Variants in CNTN4 observed in about 807,000 individuals in gnomAD.
CNTN4 encodes the protein contactin 4.
In CNTN4, 77 loss-of-function variants were observed where a neutral mutation model predicts 122.5. That is an observed-to-expected ratio of 0.63 (90% CI 0.52 to 0.76). The LOEUF is 0.76. CNTN4 is among the 30% of genes least tolerant of loss of function. CNTN4 has a pLI of 0.00. For missense variants in CNTN4, 1,256 were observed against 1,259.1 expected, an observed-to-expected ratio of 1.00 and a Z score of 0.04; for synonymous variants, 512 against 447.0, an observed-to-expected ratio of 1.15 and a Z score of -1.83.
At chr3:2,168,364 G>C (rs1347642667) in intron 2 of CNTN4, among the ~76,000 whole-genome samples, 1 of 152,002 alleles carries the variant, frequency 6.6e-6, no homozygotes, top group Non-Finnish European at 1.5e-5. Flanking sequence ...AATGGCTTTT[G>C]GGTTTAAGTG....
intron 3 of CNTN4, among the ~76,000 whole-genome samples, chr3:2,388,117 T>G (rs1380088216): frequency 2.0e-5 from 3 of 152,192 alleles, no homozygotes; most frequent in African/African-American, 4.8e-5. Flanking sequence ...TGGCAGCAAT[T>G]TTTGTGTTTT....
chr3:3,001,956 A>C (rs1696089283), intron 14 of CNTN4, among the ~76,000 whole-genome samples: 1 of 152,238 alleles, frequency 6.6e-6, no homozygotes, highest in African/African-American at 2.4e-5. Flanking sequence ...TCAGTGGTTA[A>C]TTGGGACAAG....
chr3:2,423,833 C>T (rs565088817), intron 3 of CNTN4, among the ~76,000 whole-genome samples: 12 of 151,090 alleles, frequency 7.9e-5, no homozygotes, highest in African/African-American at 2.9e-4. Flanking sequence ...TAATTGGTGC[C>T]GAACATCGTT....
At chr3:2,973,967 C>T (rs1293825792) in intron 13 of CNTN4, among the ~76,000 whole-genome samples, 2 of 152,170 alleles carry the variant, frequency 1.3e-5, no homozygotes, top group African/African-American at 4.8e-5. Flanking sequence ...TCCAAGTACT[C>T]AGATCATCTT....
chr3:2,838,550 C>G (rs1015455146), intron 7 of CNTN4, among the ~76,000 whole-genome samples: 1 of 145,148 alleles, frequency 6.9e-6, no homozygotes, highest in Non-Finnish European at 1.5e-5. Flanking sequence ...CATTCAGACC[C>G]TATGGTTTGT....
intron 13 of CNTN4, among the ~76,000 whole-genome samples, chr3:2,930,144 TTC>T (rs2094507062): frequency 6.6e-6 from 1 of 152,354 alleles, no homozygotes; most frequent in African/African-American, 2.4e-5. Flanking sequence ...CTACCCTATG[TTC>T]TCTTTCAATT....
intron 6 of CNTN4, among the ~76,000 whole-genome samples, chr3:2,777,309 C>G (rs2091361582): frequency 6.6e-6 from 1 of 152,118 alleles, no homozygotes. Flanking sequence ...ATTATGCTTC[C>G]CCCACTAAAT....
intron 7 of CNTN4, among the ~76,000 whole-genome samples, chr3:2,865,348 G>A (rs2093712907): frequency 6.6e-6 from 1 of 152,120 alleles, no homozygotes; most frequent in East Asian, 1.9e-4. Context: ...CAGTTGTTAA[G>A]GTCAAGTACA....
intron 4 of CNTN4, among the ~76,000 whole-genome samples, chr3:2,667,949 A>T (rs911221884): frequency 1.3e-4 from 20 of 152,114 alleles, no homozygotes; most frequent in Admixed American, 3.3e-4. Context: ...CCATTGGTCT[A>T]TATGTCTGTT....
At chr3:2,517,339 C>T (rs1401965350) in intron 3 of CNTN4, among the ~76,000 whole-genome samples, 1 of 152,032 alleles carries the variant, frequency 6.6e-6, no homozygotes, top group Admixed American at 6.6e-5. Context: ...AACTATATAG[C>T]AGTTTTTACA....
intron 3 of CNTN4, among the ~76,000 whole-genome samples, chr3:2,502,624 T>A (rs1271995507): frequency 1.3e-5 from 2 of 152,138 alleles, no homozygotes; most frequent in Admixed American, 6.5e-5. Context: ...TCACACATAA[T>A]TTTGTTATTT....
At position 2,883,054 on chromosome 3, in the gene CNTN4, T is replaced by C. The variant is rs981045898; in HGVS notation, c.653-91T>C. On this transcript the variant is annotated intron_variant, in intron 8 of 24. Coordinates refer to ENST00000418658, the MANE Select transcript of CNTN4 (RefSeq NM_175607.3). The stretch of plus-strand genomic sequence containing the variant: ...AATTAATTGTGCACATAATGATGTG[T>C]ATAAGCATTCTGCATTAACAGAAAA... The C allele has an allele frequency of 8.3e-6, 7 of 840,718 alleles. No individual in the cohort carries two copies. The African/African-American group carries it at 1.0e-4, about 12-fold the overall frequency. 52.1% of individuals were successfully genotyped at this position (840,718 alleles called of 1,614,324 possible).
intron 2 of CNTN4, among the ~76,000 whole-genome samples, chr3:2,186,970 CT>C (rs1478677562): frequency 1.3e-5 from 2 of 152,112 alleles, no homozygotes; most frequent in Non-Finnish European, 2.9e-5. Context: ...GTTGCAATTG[CT>C]TTTGGTGTTT....
At chr3:2,236,764 C>T (rs2039696209) in intron 2 of CNTN4, among the ~76,000 whole-genome samples, 1 of 152,182 alleles carries the variant, frequency 6.6e-6, no homozygotes, top group African/African-American at 2.4e-5. Flanking sequence ...CTGCACTAGA[C>T]ATCAGGATGC....
chr3:3,048,281 C>T (rs1700884105), intron 23 of CNTN4, among the ~76,000 whole-genome samples: 1 of 151,832 alleles, frequency 6.6e-6, no homozygotes, highest in Non-Finnish European at 1.5e-5. Flanking sequence ...ATTTTAAAAA[C>T]AATACAGTAT....
intron 7 of CNTN4, among the ~76,000 whole-genome samples, chr3:2,846,848 T>G (rs2093464884): frequency 6.6e-6 from 1 of 152,018 alleles, no homozygotes. Context: ...AATACAAAAT[T>G]AGCTGGGTGT....
At chr3:2,519,387 G>A (rs1315644896) in intron 3 of CNTN4, among the ~76,000 whole-genome samples, 1 of 152,148 alleles carries the variant, frequency 6.6e-6, no homozygotes, top group Non-Finnish European at 1.5e-5. Context: ...TGTCTTGTCT[G>A]TTCCTCTACC....
At chr3:2,221,489 G>A (rs1304005132) in intron 2 of CNTN4, among the ~76,000 whole-genome samples, 2 of 151,126 alleles carry the variant, frequency 1.3e-5, no homozygotes, top group Non-Finnish European at 3.0e-5. Context: ...GTTGGATTAG[G>A]CATTCTCTTG....
intron 4 of CNTN4, among the ~76,000 whole-genome samples, chr3:2,609,000 A>T (rs1359050182): frequency 2.6e-5 from 4 of 152,206 alleles, no homozygotes; most frequent in Admixed American, 2.6e-4. Flanking sequence ...GATAATCAAC[A>T]ACAGAAATTT....
Sources: gnomAD v4.1 joint callset for allele counts (sites outside exome capture counted in the v4.1 genomes callset) on GRCh38, gnomAD v4.1.1 for gene constraint, MANE v1.5 for transcripts, NCBI Gene and HGNC (gene_info 2026-07-23, HGNC 2026-07-21) for gene names.